The following ABCC5 variants were observed in gnomAD, a reference collection of about 807,000 sequenced individuals.
The protein encoded by ABCC5 is ATP binding cassette subfamily C member 5.
ABCC5 carries 61 observed loss-of-function variants against 160.9 expected under a neutral mutation model. The ratio of observed to expected loss-of-function variants is 0.38; its 90% CI spans 0.31 to 0.47. ABCC5 has a LOEUF of 0.47. Among genes scored for constraint, ABCC5 ranks in the 20% least tolerant of loss-of-function variants. The pLI is 0.99. For synonymous variants in ABCC5, 666 were observed against 700.6 expected, an observed-to-expected ratio of 0.95 and a Z score of 0.78; for missense variants, 1,308 against 1,813.3, an observed-to-expected ratio of 0.72 and a Z score of 5.06.
chr3:183,958,285 G>T (rs1716408441), intron 17 of ABCC5, among the ~76,000 whole-genome samples: 1 of 152,182 alleles, frequency 6.6e-6, no homozygotes, highest in Admixed American at 6.5e-5. Context: ...CTCTCACCCA[G>T]GTACTAAGCA....
Position 183,922,377 on chromosome 3 carries a change from A to AAAAT in ABCC5, c.4213-980_4213-977dup, listed in dbSNP as rs1323443380. 3.3e-5 allele frequency among the ~76,000 whole-genome samples: 5 copies of AAAAT among 152,230 alleles called. No homozygotes were observed. The East Asian group carries it at 5.8e-4, about 18-fold the overall frequency. ...AACAAGAGCGAAACTCCGTCTCAAAAAAATAAATAAATAAATAAACAAAAT... is the reference window on the plus strand; with the variant it reads ...AACAAGAGCGAAACTCCGTCTCAAAAAAATAAATAAATAAATAAATAAACAAAAT... On this transcript the variant is annotated intron_variant, in intron 29 of 29. Coordinates refer to ENST00000334444, the MANE Select transcript of ABCC5 (RefSeq NM_005688.4).
At chr3:184,005,499 C>G (rs1721105789) in intron 2 of ABCC5, among the ~76,000 whole-genome samples, 1 of 152,130 alleles carries the variant, frequency 6.6e-6, no homozygotes, top group African/African-American at 2.4e-5. Context: ...ACCAAATTAA[C>G]TTCACATTAG....
rs780257982 is a variant in ABCC5, at chr3:183,971,635, T to A, written c.1689A>T (p.Glu563Asp). Residue 563 changes from glutamate to aspartate, a missense_variant, in exon 11 of 30, where the codon GAA becomes GAT. Physicochemically the swap from Glu to Asp is conservative, Grantham distance 45 (BLOSUM62 2). Coordinates refer to ENST00000334444, the MANE Select transcript of ABCC5 (RefSeq NM_005688.4). Reference sequence around the variant, plus strand: ...GGTGGCCCAGGTGGATGTGCTTGCCTTCTTCCTCTTCGGGACTGGGCCGCT... The same window carrying A: ...GGTGGCCCAGGTGGATGTGCTTGCCATCTTCCTCTTCGGGACTGGGCCGCT... ...SDERPSPEEEEGKHIHLGHLR... is the reference protein window; with the variant it reads ...SDERPSPEEEDGKHIHLGHLR... The A allele has an allele frequency of 6.2e-7, 1 of 1,614,188 alleles. No individual in the cohort carries two copies. Among genetic ancestry groups the A allele is most frequent in the East Asian group, 2.2e-5 (1 of 44,880 alleles).
intron 11 of ABCC5, among the ~76,000 whole-genome samples, chr3:183,969,669 G>A (rs1488410947): frequency 6.9e-6 from 1 of 143,984 alleles, no homozygotes; most frequent in Non-Finnish European, 1.5e-5. Context: ...TCTAGCCTGG[G>A]CAACAGAGCC....
At chr3:183,993,523 C>CTGAGCTAA (rs1337211280) in intron 2 of ABCC5, among the ~76,000 whole-genome samples, 1 of 146,676 alleles carries the variant, frequency 6.8e-6, no homozygotes, top group Non-Finnish European at 1.5e-5. Context: ...CTTCCAAATA[C>CTGAGCTAA]TGAGCTAAAT....
At chr3:183,984,221 A>G in intron 5 of ABCC5, 1 of 985,680 alleles carries the variant, frequency 1.0e-6, no homozygotes, top group South Asian at 4.7e-5. Context: ...CTAGGCCTCA[A>G]GGAAAAACTG....
chr3:183,996,838 C>T (rs1036109507), intron 2 of ABCC5, among the ~76,000 whole-genome samples: 1 of 152,182 alleles, frequency 6.6e-6, no homozygotes, highest in South Asian at 2.1e-4. Flanking sequence ...CTCTAAGCAA[C>T]GAACTTTCCA....
At chr3:183,966,351 G>C (rs919368779) in intron 12 of ABCC5, among the ~76,000 whole-genome samples, 7 of 152,202 alleles carry the variant, frequency 4.6e-5, no homozygotes, top group Non-Finnish European at 1.5e-5. Flanking sequence ...ACTGTGGAAA[G>C]CCGGCACTTC....
At chr3:183,931,001 GTA>G (rs1713123825) in intron 26 of ABCC5, among the ~76,000 whole-genome samples, 1 of 152,120 alleles carries the variant, frequency 6.6e-6, no homozygotes, top group South Asian at 2.1e-4. Context: ...GTACTGAACC[GTA>G]TAAATGCTAT....
intron 1 of ABCC5, among the ~76,000 whole-genome samples, chr3:184,015,671 T>C (rs1041742985): frequency 6.6e-6 from 1 of 151,632 alleles, no homozygotes. Context: ...TAAGTTGATA[T>C]AGCTGTTACT....
chr3:183,956,457 G>C (rs1200897858), intron 17 of ABCC5, among the ~76,000 whole-genome samples: 1 of 151,264 alleles, frequency 6.6e-6, no homozygotes, highest in African/African-American at 2.4e-5. Context: ...AATCACATCG[G>C]TTACATGCGG....
intron 29 of ABCC5, among the ~76,000 whole-genome samples, chr3:183,922,783 G>C (rs759627803): frequency 2.0e-5 from 3 of 152,244 alleles, no homozygotes; most frequent in Non-Finnish European, 4.4e-5. Context: ...TTAGGAGAGG[G>C]TGTCCTGCTC....
At chr3:183,991,804 G>A (rs894630860) in intron 2 of ABCC5, among the ~76,000 whole-genome samples, 1 of 152,192 alleles carries the variant, frequency 6.6e-6, no homozygotes, top group Non-Finnish European at 1.5e-5. Context: ...TGAGATTTAA[G>A]TACATTACAA....
Position 183,928,880 on chromosome 3 carries a change from A to G in ABCC5, c.3855-55T>C, listed in dbSNP as rs1429885851. 2.1e-6 allele frequency: 3 copies of G among 1,456,080 alleles called. No individual in the cohort carries two copies. The East Asian group carries it at 6.8e-5, about 33-fold the overall frequency. 90.2% of individuals were successfully genotyped at this position (1,456,080 alleles called of 1,614,324 possible). ...GTCCCACCCTAAGCGACCCATTGGC[A>G]AAGGCTGTCTGTGGAAGATGTTTAA... is the stretch of plus-strand genomic sequence containing the variant. On this transcript the variant is annotated intron_variant, in intron 26 of 29. Transcript: ENST00000334444.
At chr3:183,965,348 A>G (rs1400324634) in intron 13 of ABCC5, 29 bp downstream of exon 13, 2 of 1,614,200 alleles carry the variant, frequency 1.2e-6, no homozygotes, top group South Asian at 2.2e-5. Flanking sequence ...CCAAGATGGA[A>G]AGCATGACAG....
chr3:184,001,102 A>G, intron 2 of ABCC5: 1 of 414,820 alleles, frequency 2.4e-6, no homozygotes, highest in East Asian at 3.4e-5. Context: ...AAAATTTAAA[A>G]GTTAGCCAGG....
intron 2 of ABCC5, among the ~76,000 whole-genome samples, chr3:183,990,308 T>C (rs1206447348): frequency 6.6e-6 from 1 of 152,072 alleles, no homozygotes; most frequent in Admixed American, 6.6e-5. Flanking sequence ...GGTTTCACCA[T>C]GTTGGCCAGG....
chr3:183,943,060 C>T, intron 24 of ABCC5, 144 bp from the exon 25 acceptor site: 1 of 793,174 alleles, frequency 1.3e-6, no homozygotes. Context: ...GAAAGAATCC[C>T]TTGGAAGTAA....
At chr3:183,983,931 C>T (rs781691320) in intron 5 of ABCC5, 21 of 985,394 alleles carry the variant, frequency 2.1e-5, no homozygotes, top group African/African-American at 2.1e-4. Flanking sequence ...GGTTGTTTAA[C>T]GACACACAGT....
Sources: allele counts gnomAD v4.1 joint callset (sites outside exome capture counted in the v4.1 genomes callset), GRCh38; gene constraint gnomAD v4.1.1; transcripts MANE v1.5; gene names NCBI Gene and HGNC (gene_info 2026-07-23, HGNC 2026-07-21).